Variants in GALNT10 observed in about 807,000 individuals in gnomAD.
GALNT10 encodes the protein GalNAc transferase 10.
GALNT10 carries 41 observed loss-of-function variants against 75.0 expected under a neutral mutation model. The ratio of observed to expected loss-of-function variants is 0.55; its 90% confidence interval spans 0.43 to 0.71. The LOEUF (loss-of-function observed/expected upper bound fraction) is 0.71, where lower values mean the gene tolerates loss of function less well. Among genes scored for constraint, GALNT10 ranks in the 30% least tolerant of loss-of-function variants. The probability of loss-of-function intolerance (pLI) is 0.00; values close to 1 mark genes in which losing one functional copy is unlikely to be tolerated. For missense variants in GALNT10, 727 were observed against 818.5 expected (o/e 0.89, Z 1.36); for synonymous variants, 302 against 313.0 (o/e 0.96, Z 0.37).
At chr5:154,347,410 T>C (rs371108467) in intron 4 of GALNT10, among the ~76,000 whole-genome samples, 19 of 151,620 alleles carry the variant, frequency 1.3e-4, no homozygotes, top group East Asian at 9.9e-4. Context: ...GTCATTCAGG[T>C]TGAAGTGCAA....
chr5:154,300,011 T>C (rs115728566), intron 3 of GALNT10, among the ~76,000 whole-genome samples: 1,718 of 152,182 alleles, frequency 0.011, 30 homozygotes, highest in African/African-American at 0.039. Flanking sequence ...ATTTTTTGTA[T>C]TTTTGGTAGA....
At chr5:154,248,711 A>G (rs1235289103) in intron 1 of GALNT10, among the ~76,000 whole-genome samples, 1 of 151,640 alleles carries the variant, frequency 6.6e-6, no homozygotes, top group Non-Finnish European at 1.5e-5. Flanking sequence ...TTTCTTCTTT[A>G]TTAGTCTTGC....
chr5:154,384,968 C>G (rs1291200819), intron 6 of GALNT10, among the ~76,000 whole-genome samples: 3 of 152,128 alleles, frequency 2.0e-5, no homozygotes, highest in Non-Finnish European at 4.4e-5. Flanking sequence ...ATATTCAAGC[C>G]CTCAGTAAAT....
rs1024312382 is a variant in GALNT10, at chr5:154,349,027, G to A, written c.568+19289G>A. ...AAGTACGGGTTAAATAGATCCTAAG[G>A]GGGTGGCTCAAGGCTCTCACTTGAG... On this transcript the variant is annotated intron_variant, in intron 4 of 11. Coordinates refer to ENST00000297107, the MANE Select transcript of GALNT10 (RefSeq NM_198321.4). 5.3e-5 allele frequency among the ~76,000 whole-genome samples: 8 copies of A among 152,148 alleles called. No homozygotes were observed. In the South Asian group the frequency reaches 1.7e-3, roughly 32 times the overall value.
chr5:154,358,868 C>T (rs758081808), intron 4 of GALNT10, among the ~76,000 whole-genome samples: 2 of 152,196 alleles, frequency 1.3e-5, no homozygotes, highest in Non-Finnish European at 2.9e-5. Flanking sequence ...CTGATCATGG[C>T]CAGGGCTTCC....
At chr5:154,281,621 A>G (rs1754039487) in intron 1 of GALNT10, among the ~76,000 whole-genome samples, 1 of 152,214 alleles carries the variant, frequency 6.6e-6, no homozygotes, top group African/African-American at 2.4e-5. Flanking sequence ...TCCTCCTTCA[A>G]GGACCTCTCC....
intron 4 of GALNT10, chr5:154,337,794 C>T: frequency 9.9e-7 from 1 of 1,011,608 alleles, no homozygotes; most frequent in South Asian, 1.3e-5. Context: ...GTTGTCATTC[C>T]CACTAAAACC....
intron 1 of GALNT10, among the ~76,000 whole-genome samples, chr5:154,200,506 CTG>C (rs908328295): frequency 1.4e-4 from 21 of 152,166 alleles, no homozygotes; most frequent in Non-Finnish European, 2.6e-4. Context: ...CAACTGAAAA[CTG>C]TTATTTTTTG....
At chr5:154,382,008 A>G (rs2113180084) in intron 6 of GALNT10, among the ~76,000 whole-genome samples, 1 of 152,344 alleles carries the variant, frequency 6.6e-6, no homozygotes, top group Non-Finnish European at 1.5e-5. Flanking sequence ...CAGGTTCCGG[A>G]GATTCAGACA....
At chr5:154,215,502 C>CAAAAA (rs1752852392) in intron 1 of GALNT10, among the ~76,000 whole-genome samples, 1 of 152,024 alleles carries the variant, frequency 6.6e-6, no homozygotes, top group Admixed American at 6.6e-5. Flanking sequence ...AAAAACAAAA[C>CAAAAA]AAAACAAAAA....
chr5:154,341,858 A>G (rs77726791), intron 4 of GALNT10, among the ~76,000 whole-genome samples: 1,789 of 152,258 alleles, frequency 0.012, 30 homozygotes, highest in African/African-American at 0.04. Flanking sequence ...CGTAGTCAGG[A>G]TGCCAGCTGG....
chr5:154,221,399 C>A (rs556159916), intron 1 of GALNT10, among the ~76,000 whole-genome samples: 1 of 152,304 alleles, frequency 6.6e-6, no homozygotes, highest in East Asian at 1.9e-4. Context: ...ATCCTCCCTG[C>A]ACCGCTCCGG....
At chr5:154,232,578 G>A (rs144086074) in intron 1 of GALNT10, among the ~76,000 whole-genome samples, 189 of 152,326 alleles carry the variant, frequency 1.2e-3, no homozygotes, top group African/African-American at 4.5e-3. Flanking sequence ...GGTCAGGGGA[G>A]GAGGTTAGAA....
chr5:154,381,094 A>G (rs1755726729), intron 6 of GALNT10, among the ~76,000 whole-genome samples: 1 of 152,230 alleles, frequency 6.6e-6, no homozygotes, highest in Non-Finnish European at 1.5e-5. Flanking sequence ...CCAGGTTACT[A>G]GGTACAAATG....
chr5:154,313,999 G>T (rs531323452), intron 3 of GALNT10, among the ~76,000 whole-genome samples: 6 of 152,132 alleles, frequency 3.9e-5, no homozygotes, highest in Admixed American at 3.9e-4. Context: ...TATTTTAAGG[G>T]ACTGTCCTTT....
intron 3 of GALNT10, among the ~76,000 whole-genome samples, chr5:154,314,766 T>C (rs557816678): frequency 6.6e-6 from 1 of 151,818 alleles, no homozygotes; most frequent in South Asian, 2.1e-4. Context: ...GGTACCCCTT[T>C]CCAGAAGATG....
rs1469960282 is a variant in GALNT10 at position 154,356,060 on chromosome 5, A to C, written c.569-20217A>C. On this transcript the variant is annotated intron_variant, in intron 4 of 11. Coordinates refer to ENST00000297107, the MANE Select transcript of GALNT10 (RefSeq NM_198321.4). ...CCTGAAAGCCTCTGTTTTGGTATTT[A>C]GAATGGGAATGAATTCTCAAATTGA... The C allele has an allele frequency of 8.9e-6, 4 of 450,598 alleles. No homozygotes were observed. In the East Asian group the frequency reaches 2.8e-4, roughly 31 times the overall value. 27.9% of individuals were successfully genotyped at this position (450,598 alleles called of 1,614,324 possible).
At chr5:154,372,606 A>C (rs1437161243) in intron 4 of GALNT10, among the ~76,000 whole-genome samples, 1 of 152,234 alleles carries the variant, frequency 6.6e-6, no homozygotes, top group Non-Finnish European at 1.5e-5. Context: ...ACTGCAGGAC[A>C]GGCAGCACTG....
At chr5:154,196,749 G>A (rs970870524) in intron 1 of GALNT10, among the ~76,000 whole-genome samples, 11 of 152,198 alleles carry the variant, frequency 7.2e-5, no homozygotes, top group African/African-American at 2.7e-4. Flanking sequence ...CTAATGTGCT[G>A]TCTGAACCAT....
Sources: gnomAD v4.1 joint callset for allele counts (sites outside exome capture counted in the v4.1 genomes callset) on GRCh38, gnomAD v4.1.1 for gene constraint, MANE v1.5 for transcripts, NCBI Gene and HGNC (gene_info 2026-07-23, HGNC 2026-07-21) for gene names.